DENND1A: variants seen among roughly 807,000 people sequenced by gnomAD.
The protein encoded by DENND1A is DENN domain-containing protein 1A.
Under a neutral mutation model 113.7 loss-of-function variants are expected in DENND1A, and 51 were observed. That is an observed-to-expected ratio of 0.45 (90% CI 0.36 to 0.57). The LOEUF (loss-of-function observed/expected upper bound fraction) is 0.57. Ranked by LOEUF, DENND1A falls within the 20% of genes least tolerant of loss-of-function variation. The pLI, the probability that DENND1A is intolerant of heterozygous loss-of-function variation, is 0.00. For missense variants in DENND1A, 1,258 were observed against 1,395.9 expected (o/e 0.90, Z 1.57); for synonymous variants, 565 against 570.8 (o/e 0.99, Z 0.14).
intron 2 of DENND1A, among the ~76,000 whole-genome samples, chr9:123,824,349 G>T (rs1293176407): frequency 6.6e-6 from 1 of 152,150 alleles, no homozygotes; most frequent in African/African-American, 2.4e-5. Flanking sequence ...GCCAACAATA[G>T]ATTGAAAGTT....
intron 3 of DENND1A, among the ~76,000 whole-genome samples, chr9:123,778,733 G>A (rs1327829871): frequency 2.0e-5 from 3 of 152,104 alleles, no homozygotes; most frequent in African/African-American, 4.8e-5. Context: ...GTGACCAGCT[G>A]GCTTCAGGCT....
At chr9:123,551,473 G>A (rs1040246605) in intron 13 of DENND1A, among the ~76,000 whole-genome samples, 2 of 152,190 alleles carry the variant, frequency 1.3e-5, no homozygotes, top group Non-Finnish European at 2.9e-5. Context: ...AAAGACAGGC[G>A]GGAGGATGTG....
intron 13 of DENND1A, among the ~76,000 whole-genome samples, chr9:123,498,518 T>C (rs985646787): frequency 6.6e-6 from 1 of 152,254 alleles, no homozygotes; most frequent in African/African-American, 2.4e-5. Context: ...TCTTTTACTC[T>C]GTACCATGTC....
intron 4 of DENND1A, among the ~76,000 whole-genome samples, chr9:123,760,791 TG>T (rs1186687722): frequency 6.6e-6 from 1 of 152,158 alleles, no homozygotes; most frequent in Non-Finnish European, 1.5e-5. Context: ...TTAAAGTGAT[TG>T]GGGAGAAAAG....
chr9:123,745,056 G>A (rs1485973752), intron 5 of DENND1A, among the ~76,000 whole-genome samples: 4 of 152,102 alleles, frequency 2.6e-5, no homozygotes, highest in Non-Finnish European at 4.4e-5. Context: ...GATTACAGGC[G>A]TGAGCCACCG....
At chr9:123,517,254 GA>G (rs777671849) in intron 13 of DENND1A, among the ~76,000 whole-genome samples, 995 of 91,528 alleles carry the variant, frequency 0.011, 14 homozygotes, top group Non-Finnish European at 0.012. Context: ...CTCCGTCTCA[GA>G]AAAAAAAAAA....
intron 5 of DENND1A, among the ~76,000 whole-genome samples, chr9:123,718,267 T>A (rs767061600): frequency 1.3e-5 from 2 of 152,156 alleles, no homozygotes; most frequent in Non-Finnish European, 2.9e-5. Context: ...GGGCTCCCAA[T>A]CCACCCAGGG....
At chr9:123,594,409 C>T (rs556214927) in intron 11 of DENND1A, among the ~76,000 whole-genome samples, 14 of 152,048 alleles carry the variant, frequency 9.2e-5, no homozygotes, top group Non-Finnish European at 1.6e-4. Context: ...TAAAATAACT[C>T]GTCGGAAATC....
intron 9 of DENND1A, among the ~76,000 whole-genome samples, chr9:123,639,454 CAAAA>C (rs1170557545): frequency 1.3e-5 from 1 of 76,366 alleles, no homozygotes; most frequent in Non-Finnish European, 2.5e-5. Context: ...AACCCCCTAC[CAAAA>C]AAAAAAAAAA....
In DENND1A at chr9:123,809,267, T is replaced by C. The variant is rs573707728; in HGVS notation, c.89-16637A>G. On this transcript the variant is annotated intron_variant, in intron 2 of 23. Coordinates refer to ENST00000394215, the MANE Select transcript of DENND1A (RefSeq NM_001352964.2). ...TAGCACACAATCATTTTTAGTAAGCTTTCAGAAAATCACAATAGCCATTAT... is the reference window on the plus strand; with the variant it reads ...TAGCACACAATCATTTTTAGTAAGCCTTCAGAAAATCACAATAGCCATTAT... Among the ~76,000 whole-genome samples, 14 of 152,324 alleles carry C rather than the reference T, an allele frequency of 9.2e-5. No homozygotes were observed. In the South Asian group the frequency reaches 2.9e-3, roughly 32 times the overall value.
chr9:123,704,428 A>G (rs557677199), intron 5 of DENND1A, among the ~76,000 whole-genome samples: 57 of 152,324 alleles, frequency 3.7e-4, no homozygotes, highest in African/African-American at 1.2e-3. Context: ...GTACAAGCAA[A>G]TATCTCCAGT....
At chr9:123,692,215 C>T (rs541036348) in intron 5 of DENND1A, among the ~76,000 whole-genome samples, 54 of 152,290 alleles carry the variant, frequency 3.5e-4, no homozygotes, top group Admixed American at 7.2e-4. Context: ...ACAAAACAAA[C>T]CAGAGACTCA....
intron 1 of DENND1A, among the ~76,000 whole-genome samples, chr9:123,889,294 A>G (rs952590203): frequency 6.6e-6 from 1 of 152,132 alleles, no homozygotes; most frequent in East Asian, 1.9e-4. Context: ...TGCTCATCTC[A>G]AAAGTTGTTT....
chr9:123,593,771 T>C (rs1213554120), intron 11 of DENND1A, among the ~76,000 whole-genome samples: 1 of 152,200 alleles, frequency 6.6e-6, no homozygotes, highest in African/African-American at 2.4e-5. Flanking sequence ...AGCAGGTGCC[T>C]TGATACAGTG....
intron 13 of DENND1A, among the ~76,000 whole-genome samples, chr9:123,468,266 T>G (rs1035860107): frequency 9.2e-5 from 14 of 152,158 alleles, no homozygotes; most frequent in African/African-American, 3.4e-4. Context: ...TGCTGGGGGA[T>G]TAAGCAGGGA....
chr9:123,459,772 T>C (rs1040905392), intron 13 of DENND1A, among the ~76,000 whole-genome samples: 2 of 152,100 alleles, frequency 1.3e-5, no homozygotes, highest in African/African-American at 2.4e-5. Flanking sequence ...ATGAGTTGCA[T>C]GAGTGTTAAA....
At chr9:123,523,262 T>G (rs2808404) in intron 13 of DENND1A, among the ~76,000 whole-genome samples, 2 of 151,962 alleles carry the variant, frequency 1.3e-5, no homozygotes, top group African/African-American at 4.8e-5. Context: ...GGAGGCCACT[T>G]AGGCTAATCC....
chr9:123,584,196 T>G lies in DENND1A; in HGVS notation c.766-926A>C, dbSNP rs749358548. ...ATTAGAACTATTGTCTTTATTTTAT[T>G]TTGCGTAGAAAGAGCCTATCATTTG... On this transcript the variant is annotated intron_variant, in intron 11 of 23. Transcript: ENST00000394215. Among the ~76,000 whole-genome samples, 4 of 152,318 alleles carry G rather than the reference T, an allele frequency of 2.6e-5. No homozygotes were observed. In the East Asian group the frequency reaches 7.7e-4, roughly 29 times the overall value.
At chr9:123,836,367 C>G (rs1310662389) in intron 2 of DENND1A, among the ~76,000 whole-genome samples, 1 of 152,050 alleles carries the variant, frequency 6.6e-6, no homozygotes, top group African/African-American at 2.4e-5. Flanking sequence ...CACAGTGCAG[C>G]CAAGCTCACA....
Sources: allele counts gnomAD v4.1 joint callset (sites outside exome capture counted in the v4.1 genomes callset), GRCh38; gene constraint gnomAD v4.1.1; transcripts MANE v1.5; gene names NCBI Gene and HGNC (gene_info 2026-07-23, HGNC 2026-07-21).